Variants in RFFL observed in about 807,000 individuals in gnomAD.
RFFL encodes E3 ubiquitin-protein ligase rififylin.
A neutral mutation model predicts 40.4 loss-of-function variants in RFFL; 16 were observed. That is an observed-to-expected ratio of 0.40 (90% CI 0.27 to 0.60). The LOEUF (loss-of-function observed/expected upper bound fraction) is 0.60, where lower values mean the gene tolerates loss of function less well. Among genes scored for constraint, RFFL ranks in the 20% least tolerant of loss-of-function variants. The probability of loss-of-function intolerance (pLI) is 0.47; values close to 1 mark genes in which losing one functional copy is unlikely to be tolerated. For missense variants in RFFL, 367 were observed against 451.7 expected, an observed-to-expected ratio of 0.81 and a Z score of 1.70; for synonymous variants, 154 against 167.9, an observed-to-expected ratio of 0.92 and a Z score of 0.64.
In RFFL at chr17:35,014,773, A is replaced by G. The variant is rs1445839750; in HGVS notation, c.887-10T>C. 6.2e-7 allele frequency: 1 copy of G among 1,612,706 alleles called. No homozygotes were observed. Among genetic ancestry groups the G allele is most frequent in the Non-Finnish European group, 8.5e-7 (1 of 1,178,844 alleles). The stretch of plus-strand genomic sequence containing the variant: ...TCTTCGGCACCACTGACTGAAAAGG[A>G]AAGAGAAGGATGTCTGAATAGGTAA... On this transcript the variant is annotated splice_polypyrimidine_tract_variant and intron_variant, in intron 5 of 6. Coordinates refer to ENST00000394597, the MANE Select transcript of RFFL (RefSeq NM_001017368.2).
chr17:35,044,547 G>A (rs900913677), intron 1 of RFFL, among the ~76,000 whole-genome samples: 3 of 152,170 alleles, frequency 2.0e-5, no homozygotes, highest in African/African-American at 7.2e-5. Context: ...CTGGGAGGTG[G>A]AGGTTGCAGT....
chr17:35,087,136 G>A (rs1292076777), intron 1 of RFFL, among the ~76,000 whole-genome samples: 1 of 152,140 alleles, frequency 6.6e-6, no homozygotes, highest in Non-Finnish European at 1.5e-5. Context: ...AAGGCAGGAG[G>A]ATTGCTTGAG....
rs559800426 is a variant in RFFL, at chr17:35,035,425, T to C, written c.-8-8864A>G. Among the ~76,000 whole-genome samples, 205 of 147,798 alleles carry C rather than the reference T, an allele frequency of 1.4e-3. 1 individual carries two copies. Among genetic ancestry groups the C allele is most frequent in the African/African-American group, 5.1e-3 (202 of 39,716 alleles). On this transcript the variant is annotated intron_variant, in intron 1 of 6. Transcript: ENST00000394597. ...CTCCATCTCAAAAAAAAAAAAAAAA[T>C]TGCCATTCTGCCACCCCACAGTCTC... is the stretch of plus-strand genomic sequence containing the variant.
chr17:35,054,920 C>CTT (rs72116250), intron 1 of RFFL, among the ~76,000 whole-genome samples: 47 of 141,472 alleles, frequency 3.3e-4, no homozygotes, highest in Non-Finnish European at 6.2e-4. Flanking sequence ...GATCCAACAG[C>CTT]TTTTTTTTTT....
At position 35,021,536 on chromosome 17, in the gene RFFL, C is replaced by T. The variant is rs758716462; in HGVS notation, c.426G>A (p.Gln142=). Residue 142 remains glutamine (Q), a synonymous_variant, in exon 3 of 7, where the codon CAG becomes CAA. Transcript: ENST00000394597. The part of the protein sequence containing the change: ...LVLGQQPVIS[Q]EDRTRASTLS... ...AGGTGGAGGCACGAGTCCTGTCCTC[C>T]TGGGAGATTACAGGCTGCTGGCCAA... The T allele has an allele frequency of 1.2e-5, 19 of 1,613,396 alleles. No individual in the cohort carries two copies. The highest frequency in any genetic ancestry group is 1.6e-5 in the Non-Finnish European group (19 of 1,179,620).
rs963101233 is a variant in RFFL at position 35,026,399 on chromosome 17, G to A, written c.155C>T (p.Ala52Val). Residue 52 changes from alanine to valine, a missense_variant, in exon 2 of 7, where the codon GCT (alanine) becomes GTT (valine). Physicochemically the swap from Ala to Val is moderately conservative, Grantham distance 64 (BLOSUM62 0). Coordinates refer to ENST00000394597, the MANE Select transcript of RFFL (RefSeq NM_001017368.2). Reference sequence around the variant, plus strand: ...CTTCCTGGCCGTGTTTGCAAAGTGAGCCCCACAGGACTTGCAGCTTGGTTC... The same window carrying A: ...CTTCCTGGCCGTGTTTGCAAAGTGAACCCCACAGGACTTGCAGCTTGGTTC... The part of the protein sequence containing the change: ...GLEPSCKSCG[A>V]HFANTARKQT... 5 of 1,613,978 alleles carry A rather than the reference G, an allele frequency of 3.1e-6. No individual in the cohort carries two copies. The highest frequency in any genetic ancestry group is 4.2e-6 in the Non-Finnish European group (5 of 1,179,942).
At chr17:35,027,233 A>T (rs1333961456) in intron 1 of RFFL, among the ~76,000 whole-genome samples, 1 of 152,106 alleles carries the variant, frequency 6.6e-6, no homozygotes, top group African/African-American at 2.4e-5. Flanking sequence ...TCCTAGATAA[A>T]CTTCTATCAC....
At chr17:35,033,950 G>A (rs566343518) in intron 1 of RFFL, among the ~76,000 whole-genome samples, 1 of 151,926 alleles carries the variant, frequency 6.6e-6, no homozygotes, top group East Asian at 1.9e-4. Context: ...AGACCATCCT[G>A]GCTAACACAG....
intron 1 of RFFL, among the ~76,000 whole-genome samples, chr17:35,030,355 T>C (rs2091074917): frequency 6.6e-6 from 1 of 150,952 alleles, no homozygotes; most frequent in African/African-American, 2.5e-5. Flanking sequence ...CAGCACCTGT[T>C]GTTTCCTGAC....
At chr17:35,031,757 A>C (rs1299832513) in intron 1 of RFFL, among the ~76,000 whole-genome samples, 1 of 151,864 alleles carries the variant, frequency 6.6e-6, no homozygotes, top group Non-Finnish European at 1.5e-5. Flanking sequence ...GAAGAGAAGG[A>C]ATTTTCAACA....
At chr17:35,019,449 G>C (rs1284130873) in intron 3 of RFFL, among the ~76,000 whole-genome samples, 3 of 152,068 alleles carry the variant, frequency 2.0e-5, no homozygotes, top group African/African-American at 4.8e-5. Flanking sequence ...GCATGATCAT[G>C]GTTCACTGCA....
intron 1 of RFFL, chr17:35,069,196 T>C (rs958408756): frequency 6.6e-6 from 3 of 455,946 alleles, no homozygotes; most frequent in African/African-American, 6.0e-5. Flanking sequence ...CACACTCACA[T>C]GCTCTGTCTC....
intron 1 of RFFL, among the ~76,000 whole-genome samples, chr17:35,060,113 G>T (rs1317780261): frequency 6.6e-6 from 1 of 152,178 alleles, no homozygotes; most frequent in Non-Finnish European, 1.5e-5. Flanking sequence ...TGGGATGACC[G>T]CTTTCACTCA....
chr17:35,046,907 A>G (rs1296889864), intron 1 of RFFL, among the ~76,000 whole-genome samples: 1 of 152,244 alleles, frequency 6.6e-6, no homozygotes, highest in Non-Finnish European at 1.5e-5. Context: ...CAACCCAGGC[A>G]TTCTGCCCCA....
intron 1 of RFFL, among the ~76,000 whole-genome samples, chr17:35,050,097 A>G (rs2091223507): frequency 6.6e-6 from 1 of 150,846 alleles, no homozygotes; most frequent in Non-Finnish European, 1.5e-5. Context: ...AAAAAAAAAA[A>G]TGGGCCTGTT....
At position 35,017,616 on chromosome 17, in the gene RFFL, G is replaced by A. The variant is rs1158955649; in HGVS notation, c.592-10C>T. ...ACACATGGCCATTGGCCTGTGGGAA[G>A]AGAAAAGTAACATCACATCTAGAGA... On this transcript the variant is annotated splice_polypyrimidine_tract_variant and intron_variant, in intron 3 of 6. Transcript: ENST00000394597. 1 of 1,590,442 alleles carries A rather than the reference G, an allele frequency of 6.3e-7. No homozygotes were observed.
chr17:35,083,722 A>C (rs1295602097), intron 1 of RFFL, among the ~76,000 whole-genome samples: 1 of 149,204 alleles, frequency 6.7e-6, no homozygotes, highest in Non-Finnish European at 1.5e-5. Context: ...CGGAGGTTGC[A>C]GTGAGCCAAG....
rs2090908825 is a variant in RFFL, at chr17:35,008,160, G to GTTCT, written c.*3804_*3807dup. On this transcript the variant is annotated 3_prime_UTR_variant, in exon 7 of 7. Coordinates refer to ENST00000394597, the MANE Select transcript of RFFL (RefSeq NM_001017368.2). ...GCATACTAACTGTCCTCAGATTTCAGTTCTTTAAGGCCCATCTCTTCTAGA... is the reference window on the plus strand; with the variant it reads ...GCATACTAACTGTCCTCAGATTTCAGTTCTTTCTTTAAGGCCCATCTCTTCTAGA... 1 of 152,242 alleles carries GTTCT rather than the reference G, an allele frequency of 6.6e-6. No individual in the cohort carries two copies. The highest frequency in any genetic ancestry group is 1.5e-5 in the Non-Finnish European group (1 of 68,056). 9.4% of individuals were successfully genotyped at this position (152,242 alleles called of 1,614,324 possible). A position where few individuals can be genotyped will look rare whatever the true frequency, so the allele number is the denominator to read the frequency against.
rs2091010887 is a variant in RFFL, at chr17:35,021,784, G to A, written c.181-3C>T. ...TTCTTACAGTCCAAGCAGGTCTGCT[G>A]CTTAGAGCAAAAGACACAGGAAACC... On this transcript the variant is annotated splice_region_variant and splice_polypyrimidine_tract_variant and intron_variant, in intron 2 of 6. Transcript: ENST00000394597. 1.9e-6 allele frequency: 3 copies of A among 1,614,170 alleles called. No individual in the cohort carries two copies. Among genetic ancestry groups the A allele is most frequent in the Non-Finnish European group, 2.5e-6 (3 of 1,180,004 alleles).
Sources: gnomAD v4.1 joint callset for allele counts (sites outside exome capture counted in the v4.1 genomes callset) on GRCh38, gnomAD v4.1.1 for gene constraint, MANE v1.5 for transcripts, NCBI Gene and HGNC (gene_info 2026-07-23, HGNC 2026-07-21) for gene names.